Variants in CD163L1 observed in about 807,000 individuals in gnomAD.
CD163L1 encodes the protein scavenger receptor cysteine-rich type 1 protein M160.
CD163L1 carries 124 observed loss-of-function variants against 165.4 expected under a neutral mutation model. The observed-to-expected ratio is 0.75, with a 90% CI of 0.65 to 0.87. CD163L1 has a LOEUF of 0.87. Ranked by LOEUF, CD163L1 falls within the 40% of genes least tolerant of loss-of-function variation. The pLI is 0.00. For synonymous variants in CD163L1, 585 were observed against 662.2 expected, an observed-to-expected ratio of 0.88 and a Z score of 1.79; for missense variants, 1,525 against 1,799.9, an observed-to-expected ratio of 0.85 and a Z score of 2.76.
At chr12:7,403,949 G>A in intron 5 of CD163L1, 94 bp from the exon 6 acceptor site, 2 of 928,444 alleles carry the variant, frequency 2.2e-6, no homozygotes, top group Non-Finnish European at 1.6e-6. Flanking sequence ...AAGATTAGAT[G>A]TATCCTTCAC....
At position 7,441,230 on chromosome 12, in the gene CD163L1, G is replaced by C. The variant is rs1355047165; in HGVS notation, c.48C>G (p.Cys16Trp). The change falls in exon 2 of 20, where the codon TGC becomes TGG. Residue 16 changes from cysteine to tryptophan, a missense_variant. Coordinates refer to ENST00000313599, the MANE Select transcript of CD163L1 (RefSeq NM_174941.6). ...CAGCAGAGAAAAGGTTCTGATGACA[G>C]CAGCATCTTCCAAAATCTGGAGAAA... Reference protein sequence around the residue: ...NSWHIDFGRCCCHQNLFSAVV... With the variant: ...NSWHIDFGRCWCHQNLFSAVV... 1.2e-6 allele frequency: 2 copies of C among 1,613,788 alleles called. No homozygotes were observed. Among genetic ancestry groups the C allele is most frequent in the Non-Finnish European group, 1.7e-6 (2 of 1,179,760 alleles).
intron 4 of CD163L1, among the ~76,000 whole-genome samples, chr12:7,408,004 G>A (rs905758674): frequency 2.0e-5 from 3 of 151,848 alleles, no homozygotes; most frequent in African/African-American, 7.3e-5. Flanking sequence ...CCATGGATAT[G>A]AAACCCACAG....
At chr12:7,429,404 A>C (rs1438028609) in intron 4 of CD163L1, among the ~76,000 whole-genome samples, 3 of 152,040 alleles carry the variant, frequency 2.0e-5, no homozygotes, top group Non-Finnish European at 4.4e-5. Context: ...CAAAGGCCTC[A>C]AGCACTACTG....
Position 7,372,719 on chromosome 12 carries a change from C to T in CD163L1, c.3730+601G>A, listed in dbSNP as rs1264648197. Among the ~76,000 whole-genome samples, 2 of 151,464 alleles carry T rather than the reference C, an allele frequency of 1.3e-5. No individual in the cohort carries two copies. The highest frequency in any genetic ancestry group is 2.4e-5 in the African/African-American group (1 of 41,262). ...ACAATCATAACTTTAAGTTTTTGTA[C>T]AAAAGGAAGACTAATAGTTAATGTT... On this transcript the variant is annotated intron_variant, in intron 14 of 19. Transcript: ENST00000313599. This position sits in a 1 kb window ranked among gnomAD's most constrained non-coding sequence, Gnocchi z 4.2.
downstream of CD163L1, among the ~76,000 whole-genome samples, chr12:7,350,313 T>G (rs1946698702): frequency 6.6e-6 from 1 of 152,194 alleles, no homozygotes; most frequent in Non-Finnish European, 1.5e-5. Context: ...AAGCTACTTT[T>G]CATGAACTGG....
the CD163L1 span, among the ~76,000 whole-genome samples, chr12:7,333,173 T>A: frequency 3.9e-5 from 6 of 152,124 alleles, no homozygotes; most frequent in African/African-American, 1.4e-4. Context: ...CCACCCCAAA[T>A]CAACAGAATA....
chr12:7,373,339 C>T lies in CD163L1; in HGVS notation c.3711G>A (p.Glu1237=). Residue 1237 remains glutamate, a synonymous_variant, in exon 14 of 20, where the codon GAG becomes GAA. Coordinates refer to ENST00000313599, the MANE Select transcript of CD163L1 (RefSeq NM_174941.6). ...WERRISSPAE[E]TWITCEDRIR... is the part of the protein sequence containing the mutation. Reference sequence around the variant, plus strand: ...ACCCACCTTCACATGTGATCCAGGTCTCTTCTGCTGGGCTGGAGATTCTTC... The same window carrying T: ...ACCCACCTTCACATGTGATCCAGGTTTCTTCTGCTGGGCTGGAGATTCTTC... 6.2e-7 allele frequency: 1 copy of T among 1,611,882 alleles called. No homozygotes were observed. The highest frequency in any genetic ancestry group is 1.3e-5 in the African/African-American group (1 of 74,994).
At chr12:7,324,134 CAA>C in the CD163L1 span, 1 of 1,007,796 alleles carries the variant, frequency 9.9e-7, no homozygotes, top group Non-Finnish European at 1.4e-6. Flanking sequence ...CCAGTCTAGG[CAA>C]CAGAGAGAGA....
chr12:7,439,956 G>A (rs923876093), intron 2 of CD163L1: 20 of 1,574,158 alleles, frequency 1.3e-5, no homozygotes, highest in Non-Finnish European at 1.7e-5. Flanking sequence ...CAGGGGCTGC[G>A]GTCACACTCG....
At chr12:7,421,663 ATACATATACGTGCATATG>A (rs1948437918) in intron 4 of CD163L1, among the ~76,000 whole-genome samples, 2 of 136,558 alleles carry the variant, frequency 1.5e-5, no homozygotes, top group African/African-American at 5.4e-5. Context: ...ATGTACATAT[ATACATATACGTGCATATG>A]TACATATACA....
chr12:7,403,457 A>C, intron 6 of CD163L1, 78 bp downstream of exon 6: 2 of 1,381,694 alleles, frequency 1.4e-6, no homozygotes, highest in Non-Finnish European at 2.0e-6. Flanking sequence ...CCTTTTCTTC[A>C]AGCTATTGTT....
rs199981657 is a variant in CD163L1, at chr12:7,375,545, C to T, written c.2737G>A (p.Val913Met). ...CAGTGTCCAAGCACGTTGATCTCCA[C>T]TTGCCCGTCACACTGGGATTTGCCA... ...VNGKSQCDGQVEINVLGHWGS... is the reference protein window; with the variant it reads ...VNGKSQCDGQMEINVLGHWGS... Residue 913 changes from valine to methionine, a missense_variant, in exon 11 of 20, where the codon GTG becomes ATG. Transcript: ENST00000313599. 1 of 1,613,786 alleles carries T rather than the reference C, an allele frequency of 6.2e-7. No homozygotes were observed. The highest frequency in any genetic ancestry group is 8.5e-7 in the Non-Finnish European group (1 of 1,180,028).
At chr12:7,335,098 A>C in the CD163L1 span, among the ~76,000 whole-genome samples, 4 of 152,216 alleles carry the variant, frequency 2.6e-5, no homozygotes, top group South Asian at 4.1e-4. Flanking sequence ...TGCCATCCCC[A>C]TCAAGCTACC....
Position 7,438,793 on chromosome 12 carries a change from C to T in CD163L1, c.124+2361G>A, listed in dbSNP as rs1948773790. On this transcript the variant is annotated intron_variant, in intron 2 of 19. Transcript: ENST00000313599. Reference sequence around the variant, plus strand: ...TGGCCCTTACCTCCTCGGCTGAGTCCATGGACCAGAGGCCTCTCTCTTCCC... The same window carrying T: ...TGGCCCTTACCTCCTCGGCTGAGTCTATGGACCAGAGGCCTCTCTCTTCCC... 6 of 1,498,502 alleles carry T rather than the reference C, an allele frequency of 4.0e-6. No homozygotes were observed. The South Asian group carries it at 6.3e-5, about 16-fold the overall frequency. 92.8% of individuals were successfully genotyped at this position (1,498,502 alleles called of 1,614,324 possible).
At chr12:7,402,621 T>C (rs1947937400) in intron 6 of CD163L1, among the ~76,000 whole-genome samples, 2 of 148,896 alleles carry the variant, frequency 1.3e-5, no homozygotes. Context: ...GCTGTCTCGA[T>C]TTTATTTATT....
downstream of CD163L1, among the ~76,000 whole-genome samples, chr12:7,344,925 T>G (rs1044023496): frequency 6.6e-6 from 1 of 152,338 alleles, no homozygotes; most frequent in Admixed American, 6.5e-5. Context: ...CACAGGGCAG[T>G]AGGCCCTGGG....
At chr12:7,380,226 G>A (rs898159994) in intron 8 of CD163L1, among the ~76,000 whole-genome samples, 1 of 151,660 alleles carries the variant, frequency 6.6e-6, no homozygotes, top group Non-Finnish European at 1.5e-5. Flanking sequence ...GCAAAAATAT[G>A]GAACCAGCCC....
Position 7,421,013 on chromosome 12 carries a change from G to A in CD163L1, c.766+11403C>T, listed in dbSNP as rs929763451. ...TATATATACATATATATATATACGT[G>A]TATATATATACATATATATATACGT... On this transcript the variant is annotated intron_variant, in intron 4 of 19. Transcript: ENST00000313599. 2.9e-3 allele frequency among the ~76,000 whole-genome samples: 270 copies of A among 94,576 alleles called. 1 individual carries two copies. The highest frequency in any genetic ancestry group is 5.8e-3 in the African/African-American group (115 of 19,858). 62.0% of individuals were successfully genotyped at this position (94,576 alleles called of 152,430 possible).
intron 4 of CD163L1, among the ~76,000 whole-genome samples, chr12:7,413,314 A>G (rs754803919): frequency 1.3e-5 from 2 of 152,160 alleles, no homozygotes; most frequent in East Asian, 3.9e-4. Flanking sequence ...CTTATGGAAC[A>G]TTTCCCAAGA....
Sources: allele counts gnomAD v4.1 joint callset (sites outside exome capture counted in the v4.1 genomes callset), GRCh38; gene constraint gnomAD v4.1.1; non-coding constraint Gnocchi (gnomAD v3.1); transcripts MANE v1.5; gene names NCBI Gene and HGNC (gene_info 2026-07-23, HGNC 2026-07-21).